The following CDK14 variants were observed in gnomAD, a reference collection of about 807,000 sequenced individuals.
CDK14 encodes the protein cyclin dependent kinase 14.
A neutral mutation model predicts 60.7 loss-of-function variants in CDK14; 34 were observed. The ratio of observed to expected loss-of-function variants is 0.56; its 90% CI spans 0.43 to 0.75. The LOEUF is 0.75. Among genes scored for constraint, CDK14 ranks in the 30% least tolerant of loss-of-function variants. The probability of loss-of-function intolerance (pLI) is 0.00; values close to 1 mark genes in which losing one functional copy is unlikely to be tolerated. For synonymous variants in CDK14, 197 were observed against 203.7 expected, an observed-to-expected ratio of 0.97 and a Z score of 0.28; for missense variants, 482 against 564.1, an observed-to-expected ratio of 0.85 and a Z score of 1.47.
intron 6 of CDK14, among the ~76,000 whole-genome samples, chr7:90,868,783 C>T (rs905745272): frequency 4.6e-5 from 7 of 151,978 alleles, no homozygotes; most frequent in African/African-American, 1.7e-4. Flanking sequence ...AGTATTTTAT[C>T]GATGAGGAAA....
intron 2 of CDK14, among the ~76,000 whole-genome samples, chr7:90,687,756 C>A (rs925582503): frequency 4.6e-5 from 7 of 151,972 alleles, no homozygotes; most frequent in African/African-American, 1.7e-4. Context: ...CCTTTAAAAC[C>A]TGTTTACATA....
At chr7:90,737,187 T>G (rs1439463553) in intron 3 of CDK14, among the ~76,000 whole-genome samples, 1 of 152,204 alleles carries the variant, frequency 6.6e-6, no homozygotes, top group Non-Finnish European at 1.5e-5. Context: ...CTGCAGTTCT[T>G]GGGAGTACTA....
At chr7:90,671,195 A>G (rs1310482908) in intron 2 of CDK14, among the ~76,000 whole-genome samples, 2 of 152,118 alleles carry the variant, frequency 1.3e-5, no homozygotes, top group Admixed American at 6.5e-5. Flanking sequence ...GCAGATTGTC[A>G]GCATACCTAT....
At chr7:91,040,927 T>C (rs1012349644) in intron 10 of CDK14, among the ~76,000 whole-genome samples, 1 of 152,252 alleles carries the variant, frequency 6.6e-6, no homozygotes, top group Non-Finnish European at 1.5e-5. Flanking sequence ...ACTAGTTTGT[T>C]AGAGTTACTC....
At chr7:90,778,273 T>G (rs1805135408) in intron 4 of CDK14, among the ~76,000 whole-genome samples, 1 of 152,254 alleles carries the variant, frequency 6.6e-6, no homozygotes, top group Non-Finnish European at 1.5e-5. Flanking sequence ...TACATCCACT[T>G]AGATGCTAAA....
chr7:90,747,934 C>T (rs1268422423), intron 4 of CDK14, among the ~76,000 whole-genome samples, 159 bp downstream of exon 4: 9 of 125,696 alleles, frequency 7.2e-5, no homozygotes, highest in Admixed American at 6.6e-4. Flanking sequence ...GTGTAAAACT[C>T]ATTGGAATTG....
intron 10 of CDK14, among the ~76,000 whole-genome samples, chr7:90,988,522 G>A (rs988356460): frequency 6.6e-6 from 1 of 152,128 alleles, no homozygotes; most frequent in African/African-American, 2.4e-5. Context: ...TGCAAAATAA[G>A]CAGCAAATGC....
Position 90,676,946 on chromosome 7 carries a change from G to GTTT in CDK14, c.124-49611_124-49609dup, listed in dbSNP as rs10668053. On this transcript the variant is annotated intron_variant, in intron 2 of 14. Transcript: ENST00000380050. ...ACATGTTTATTCAGTTGTATATCAAGTTTTTTTTTTTTATGTGTTTGGAGT... is the reference window on the plus strand; with the variant it reads ...ACATGTTTATTCAGTTGTATATCAAGTTTTTTTTTTTTTTTATGTGTTTGGAGT... 4.0e-3 allele frequency among the ~76,000 whole-genome samples: 589 copies of GTTT among 149,052 alleles called. 3 individuals are homozygous for GTTT. The highest frequency in any genetic ancestry group is 9.5e-3 in the African/African-American group (384 of 40,602).
intron 2 of CDK14, among the ~76,000 whole-genome samples, chr7:90,669,489 G>C (rs1182383702): frequency 1.3e-5 from 2 of 152,200 alleles, no homozygotes; most frequent in Non-Finnish European, 2.9e-5. Flanking sequence ...TCATGAGAGA[G>C]ATACCTATAA....
intron 5 of CDK14, among the ~76,000 whole-genome samples, chr7:90,809,622 C>G (rs971039543): frequency 2.6e-5 from 4 of 152,116 alleles, no homozygotes; most frequent in Middle Eastern, 3.2e-3. Flanking sequence ...TAACTAAGAT[C>G]AGAGCAGAAC....
chr7:91,074,289 T>C (rs1718579157), intron 11 of CDK14, among the ~76,000 whole-genome samples: 2 of 152,132 alleles, frequency 1.3e-5, no homozygotes, highest in Admixed American at 1.3e-4. Context: ...ACTGAAATCA[T>C]AACAAAACAT....
intron 14 of CDK14, among the ~76,000 whole-genome samples, chr7:91,143,970 A>G (rs934548262): frequency 6.6e-6 from 1 of 152,124 alleles, no homozygotes; most frequent in Non-Finnish European, 1.5e-5. Context: ...GCACTTATCA[A>G]CTGGTCTTTT....
chr7:91,008,575 T>G (rs1473874455), intron 10 of CDK14, among the ~76,000 whole-genome samples: 2 of 152,138 alleles, frequency 1.3e-5, no homozygotes, highest in African/African-American at 4.8e-5. Context: ...CTTAAAGCCT[T>G]TAATATCAGA....
At chr7:90,940,508 G>T (rs1793889253) in intron 8 of CDK14, among the ~76,000 whole-genome samples, 1 of 152,120 alleles carries the variant, frequency 6.6e-6, no homozygotes, top group Non-Finnish European at 1.5e-5. Flanking sequence ...CAATAAGGCT[G>T]GGTGCAGTGG....
chr7:90,739,761 T>A (rs1803269032), intron 3 of CDK14, among the ~76,000 whole-genome samples: 1 of 152,218 alleles, frequency 6.6e-6, no homozygotes, highest in Non-Finnish European at 1.5e-5. Context: ...GACCTCTCAT[T>A]CTGATTTTAA....
At chr7:90,972,242 A>G (rs1794953387) in intron 9 of CDK14, among the ~76,000 whole-genome samples, 3 of 152,192 alleles carry the variant, frequency 2.0e-5, no homozygotes, top group African/African-American at 7.2e-5. Flanking sequence ...TATTGTGCCT[A>G]TCTGTGCCTA....
chr7:90,918,301 A>G (rs1352079028), intron 8 of CDK14, among the ~76,000 whole-genome samples: 3 of 152,222 alleles, frequency 2.0e-5, no homozygotes, highest in African/African-American at 7.2e-5. Context: ...AGTATTTTCA[A>G]TATCAGTGCA....
intron 14 of CDK14, among the ~76,000 whole-genome samples, chr7:91,177,670 A>C (rs1238744516): frequency 2.7e-5 from 4 of 150,080 alleles, no homozygotes; most frequent in African/African-American, 9.8e-5. Context: ...CCAACAACAG[A>C]CAAACAGAGA....
chr7:90,705,578 A>G (rs969385379), intron 2 of CDK14, among the ~76,000 whole-genome samples: 1 of 150,972 alleles, frequency 6.6e-6, no homozygotes, highest in Non-Finnish European at 1.5e-5. Flanking sequence ...CACTCAGGAG[A>G]AAGTTCATGG....
Sources: gnomAD v4.1 joint callset for allele counts (sites outside exome capture counted in the v4.1 genomes callset) on GRCh38, gnomAD v4.1.1 for gene constraint, MANE v1.5 for transcripts, NCBI Gene and HGNC (gene_info 2026-07-23, HGNC 2026-07-21) for gene names.